Variants in CUBN observed in about 807,000 individuals in gnomAD.
CUBN encodes the protein 460 kDa receptor.
CUBN carries 282 observed loss-of-function variants against 405.3 expected under a neutral mutation model. The ratio of observed to expected loss-of-function variants is 0.70; its 90% CI spans 0.63 to 0.77. The LOEUF is 0.77. CUBN is among the 30% of genes least tolerant of loss of function. The probability of loss-of-function intolerance (pLI) is 0.00; values close to 1 mark genes in which losing one functional copy is unlikely to be tolerated. For synonymous variants in CUBN, 1,684 were observed against 1,617.0 expected, an observed-to-expected ratio of 1.04 and a Z score of -0.99; for missense variants, 4,514 against 4,475.2, an observed-to-expected ratio of 1.01 and a Z score of -0.25.
intron 25 of CUBN, among the ~76,000 whole-genome samples, chr10:17,044,691 A>C (rs1161472686): frequency 6.6e-6 from 1 of 152,146 alleles, no homozygotes; most frequent in African/African-American, 2.4e-5. Context: ...CTGTCTTCTA[A>C]ATTGTGATTT....
chr10:16,864,509 T>C (rs10752062), intron 59 of CUBN, among the ~76,000 whole-genome samples: 70,509 of 152,012 alleles, frequency 0.46, 20,438 homozygotes, highest in African/African-American at 0.81. Context: ...CATTCTTAAA[T>C]AGTTGTAATA....
chr10:16,849,040 G>T (rs965717023), intron 60 of CUBN, among the ~76,000 whole-genome samples: 9 of 152,118 alleles, frequency 5.9e-5, no homozygotes, highest in African/African-American at 2.2e-4. Context: ...AATTAAACTG[G>T]AATTGACATT....
intron 29 of CUBN, among the ~76,000 whole-genome samples, chr10:16,985,715 G>A (rs1833399124): frequency 1.3e-5 from 2 of 152,224 alleles, no homozygotes; most frequent in South Asian, 4.1e-4. Context: ...TAAGGGGTTT[G>A]AGGGCACCAC....
Position 17,047,507 on chromosome 10 carries a change from G to A in CUBN, c.3236C>T (p.Thr1079Ile). 6.2e-7 allele frequency: 1 copy of A among 1,613,892 alleles called. No homozygotes were observed. Among genetic ancestry groups the A allele is most frequent in the Non-Finnish European group, 8.5e-7 (1 of 1,179,812 alleles). Residue 1079 changes from threonine to isoleucine, a missense_variant, in exon 23 of 67, where the codon ACA becomes ATA. Transcript: ENST00000377833. ...PNNWECIYRI[T>I]VRTGQLIAVH... ...TGCAATCAGTTGGCCAGTTCTCACTGTGATCCGATAAATGCATTCCCAGTT... is the reference window on the plus strand; with the variant it reads ...TGCAATCAGTTGGCCAGTTCTCACTATGATCCGATAAATGCATTCCCAGTT...
At chr10:16,907,715 T>C (rs760818333) in intron 48 of CUBN, 36 bp from the exon 49 acceptor site, 2 of 1,602,986 alleles carry the variant, frequency 1.2e-6, no homozygotes, top group Non-Finnish European at 1.7e-6. Flanking sequence ...AGGCACACAA[T>C]CCATCTTACT....
intron 62 of CUBN, among the ~76,000 whole-genome samples, chr10:16,840,037 A>C (rs1027574234): frequency 1.5e-5 from 2 of 131,240 alleles, no homozygotes; most frequent in Admixed American, 9.2e-5. Flanking sequence ...GGACACAGGA[A>C]GGGGAACATC....
Position 17,049,772 on chromosome 10 carries a change from C to T in CUBN, c.3140-2169G>A, listed in dbSNP as rs1195558368. 2.6e-5 allele frequency among the ~76,000 whole-genome samples: 4 copies of T among 152,262 alleles called. No individual in the cohort carries two copies. The South Asian group carries it at 8.3e-4, about 32-fold the overall frequency. On this transcript the variant is annotated intron_variant, in intron 22 of 66. Transcript: ENST00000377833. Reference sequence around the variant, plus strand: ...ACAGTTTAACATATACACTCTTACCCATCATTTAAGGTTGGCTGAAACCTT... The same window carrying T: ...ACAGTTTAACATATACACTCTTACCTATCATTTAAGGTTGGCTGAAACCTT...
chr10:16,871,643 A>G (rs1840357459), intron 58 of CUBN, among the ~76,000 whole-genome samples: 1 of 152,166 alleles, frequency 6.6e-6, no homozygotes, highest in Non-Finnish European at 1.5e-5. Context: ...ACAACACTGT[A>G]TTCATTTTAA....
intron 48 of CUBN, among the ~76,000 whole-genome samples, chr10:16,911,657 C>T (rs1269806299): frequency 6.6e-6 from 1 of 152,094 alleles, no homozygotes; most frequent in African/African-American, 2.4e-5. Flanking sequence ...TCCTAAAGGA[C>T]ATGTGAATAC....
At chr10:16,936,751 C>T (rs746486781) in intron 39 of CUBN, among the ~76,000 whole-genome samples, 7 of 152,146 alleles carry the variant, frequency 4.6e-5, no homozygotes, top group Admixed American at 2.0e-4. Flanking sequence ...CTCACTCTGT[C>T]GCCCAGGCTG....
At chr10:16,922,129 G>A (rs1842051378) in intron 43 of CUBN, among the ~76,000 whole-genome samples, 1 of 141,840 alleles carries the variant, frequency 7.1e-6, no homozygotes, top group Admixed American at 7.1e-5. Flanking sequence ...GTTCCATGAG[G>A]ACATGGATTT....
intron 48 of CUBN, among the ~76,000 whole-genome samples, chr10:16,911,710 T>C (rs978873107): frequency 6.6e-6 from 1 of 152,196 alleles, no homozygotes; most frequent in African/African-American, 2.4e-5. Context: ...TCAGTATGAT[T>C]TAAACTATGA....
At chr10:17,026,589 G>A (rs540536374) in intron 27 of CUBN, among the ~76,000 whole-genome samples, 7 of 151,036 alleles carry the variant, frequency 4.6e-5, no homozygotes, top group South Asian at 2.1e-4. Context: ...AGCCGAGATC[G>A]CACCACTGCA....
rs865887365 is a variant in CUBN, at chr10:17,127,829, C to T, written c.348G>A (p.Lys116=). Residue 116 remains lysine, a splice_region_variant and synonymous_variant, in exon 3 of 67, where the codon AAG becomes AAA. Transcript: ENST00000377833. ...ISSQIYQLNS[K]LVDLERKFQG... ...CTTATGACGTAGATGTCAGACTTAC[C>T]TTGGAATTAAGCTGATAGATTTGAC... 3 of 1,609,318 alleles carry T rather than the reference C, an allele frequency of 1.9e-6. No individual in the cohort carries two copies. Among genetic ancestry groups the T allele is most frequent in the South Asian group, 1.1e-5 (1 of 90,950 alleles).
At chr10:17,034,786 C>T (rs1470864335) in intron 27 of CUBN, among the ~76,000 whole-genome samples, 2 of 152,194 alleles carry the variant, frequency 1.3e-5, no homozygotes, top group East Asian at 1.9e-4. Context: ...ACAGGAGTGG[C>T]GACGGGGAGA....
chr10:17,012,635 T>C (rs1182888685), intron 28 of CUBN, among the ~76,000 whole-genome samples: 1 of 152,232 alleles, frequency 6.6e-6, no homozygotes, highest in Non-Finnish European at 1.5e-5. Context: ...GAAAACCTTG[T>C]AAGTTTGGGA....
chr10:17,078,815 T>C (rs1361342120), intron 17 of CUBN, among the ~76,000 whole-genome samples: 1 of 152,136 alleles, frequency 6.6e-6, no homozygotes. Context: ...CCATTTTATA[T>C]CAGAAAAGTA....
At position 16,925,268 on chromosome 10, in the gene CUBN, T is replaced by C. The variant is rs148058933; in HGVS notation, c.6619A>G (p.Lys2207Glu). 1 of 1,613,490 alleles carries C rather than the reference T, an allele frequency of 6.2e-7. No individual in the cohort carries two copies. The highest frequency in any genetic ancestry group is 8.5e-7 in the Non-Finnish European group (1 of 1,179,588). The change falls in exon 43 of 67, where the codon AAA (lysine) becomes GAA (glutamate). Residue 2207 changes from lysine to glutamate, a missense_variant. Lys to Glu is a moderately conservative substitution (Grantham distance 56). This residue lies in a region of CUBN where 1,613 missense variants were observed against 1,542.8 expected (regional missense o/e 1.05). Coordinates refer to ENST00000377833, the MANE Select transcript of CUBN (RefSeq NM_001081.4). ...SDHSNEGQGF[K>E]IKYEAKSLAC... is the part of the protein sequence containing the mutation. ...AAACTCTTTGCCTCATATTTGATTT[T>C]AAATCCTTGCCCTTCATTACTGTGA... is the stretch of plus-strand genomic sequence containing the variant.
At chr10:17,009,057 T>A (rs1280187042) in intron 28 of CUBN, among the ~76,000 whole-genome samples, 1 of 152,226 alleles carries the variant, frequency 6.6e-6, no homozygotes, top group African/African-American at 2.4e-5. Context: ...ACTAAAGACC[T>A]ACTTCAGATG....
Sources: gnomAD v4.1 joint callset for allele counts (sites outside exome capture counted in the v4.1 genomes callset) on GRCh38, gnomAD v4.1.1 for gene constraint, gnomAD v4.1.1 regional missense constraint, MANE v1.5 for transcripts, NCBI Gene and HGNC (gene_info 2026-07-23, HGNC 2026-07-21) for gene names.